Variants in IGSF10 observed in about 807,000 individuals in gnomAD.
IGSF10 encodes the protein calvaria mechanical force protein 608.
Under a neutral mutation model 128.2 loss-of-function variants are expected in IGSF10, and 126 were observed. That is an observed-to-expected ratio of 0.98 (90% CI 0.85 to 1.14). The LOEUF is 1.14. IGSF10 is among the 50% of genes most tolerant of loss of function. The pLI is 0.00. For synonymous variants in IGSF10, 1,185 were observed against 1,146.2 expected, an observed-to-expected ratio of 1.03 and a Z score of -0.68; for missense variants, 3,295 against 3,149.8, an observed-to-expected ratio of 1.05 and a Z score of -1.10.
chr3:151,556,710 G>T, the IGSF10 span, among the ~76,000 whole-genome samples: 2 of 152,116 alleles, frequency 1.3e-5, no homozygotes, highest in African/African-American at 4.8e-5. Context: ...CCTTTGAGAG[G>T]ATGGTAGGGG....
At chr3:151,595,674 C>T in the IGSF10 span, among the ~76,000 whole-genome samples, 1 of 149,398 alleles carries the variant, frequency 6.7e-6, no homozygotes, top group African/African-American at 2.5e-5. Flanking sequence ...GTGAAATTAG[C>T]CCCAGAAACA....
intron 5 of IGSF10, among the ~76,000 whole-genome samples, chr3:151,452,215 GAATT>G (rs1390972197): frequency 6.6e-6 from 1 of 152,206 alleles, no homozygotes; most frequent in Non-Finnish European, 1.5e-5. Flanking sequence ...ATAGAGTTAT[GAATT>G]AACAACAGGG....
chr3:151,618,597 G>A, the IGSF10 span, among the ~76,000 whole-genome samples: 1 of 151,776 alleles, frequency 6.6e-6, no homozygotes, highest in African/African-American at 2.4e-5. Flanking sequence ...GGGCGTGGTG[G>A]TGGGTGCCTG....
the IGSF10 span, among the ~76,000 whole-genome samples, chr3:151,552,036 G>A: frequency 5.3e-5 from 8 of 152,216 alleles, no homozygotes; most frequent in East Asian, 9.7e-4. Context: ...CAGTGTTTGC[G>A]GAGGGATCTG....
the IGSF10 span, among the ~76,000 whole-genome samples, chr3:151,515,451 A>T: frequency 8.3e-6 from 1 of 119,830 alleles, no homozygotes; most frequent in Non-Finnish European, 1.6e-5. Flanking sequence ...GGGGAACATC[A>T]CACACTGGGG....
chr3:151,443,677 A>C lies in IGSF10; in HGVS notation c.5270T>G (p.Val1757Gly). The C allele has an allele frequency of 1.2e-6, 2 of 1,614,172 alleles. No homozygotes were observed. Among genetic ancestry groups the C allele is most frequent in the Non-Finnish European group, 1.7e-6 (2 of 1,180,024 alleles). The change falls in exon 7 of 8, where the codon GTT (valine) becomes GGT (glycine). Residue 1757 changes from valine (V) to glycine (G), a missense_variant. Coordinates refer to ENST00000282466, the MANE Select transcript of IGSF10 (RefSeq NM_178822.5). ...ILERRTKEIT[V>G]HSGSTVELKC... ...CAGTTCCACAGTGCTTCCGGAATGA[A>C]CTGTGATCTCTTTGGTACGTCTCTC...
At chr3:151,512,652 C>CAA in the IGSF10 span, among the ~76,000 whole-genome samples, 1 of 151,434 alleles carries the variant, frequency 6.6e-6, no homozygotes, top group African/African-American at 2.4e-5. Flanking sequence ...AAAAACCCTT[C>CAA]AAAAAAAATC....
chr3:151,436,447 A>C lies in IGSF10; in HGVS notation c.*242T>G. On this transcript the variant is annotated 3_prime_UTR_variant, in exon 8 of 8. Coordinates refer to ENST00000282466, the MANE Select transcript of IGSF10 (RefSeq NM_178822.5). ...TAGTGAACCGTTTCAATGTTTGTTT[A>C]TTGTTATTTGTTGGCAAAATAAAAG... 2.7e-6 allele frequency: 1 copy of C among 376,862 alleles called. No homozygotes were observed. Among genetic ancestry groups the C allele is most frequent in the African/African-American group, 2.1e-5 (1 of 47,934 alleles). The allele number at this position is 376,862 out of a possible 1,614,324, so 23.3% of individuals were successfully genotyped here.
chr3:151,434,933 C>CTAAT (rs954087727), downstream of IGSF10: 6 of 152,034 alleles, frequency 3.9e-5, no homozygotes, highest in African/African-American at 1.2e-4. Flanking sequence ...TGCTACGACT[C>CTAAT]TAATTAATTC....
chr3:151,609,641 A>G, the IGSF10 span, among the ~76,000 whole-genome samples: 1 of 152,208 alleles, frequency 6.6e-6, no homozygotes, highest in Non-Finnish European at 1.5e-5. Context: ...CATATACACC[A>G]TTAAATACTG....
chr3:151,519,008 C>T, the IGSF10 span, among the ~76,000 whole-genome samples: 7 of 151,994 alleles, frequency 4.6e-5, no homozygotes, highest in South Asian at 1.4e-3. Context: ...TGGGACTTTA[C>T]ACTTAAAACT....
At chr3:151,512,353 T>A in the IGSF10 span, among the ~76,000 whole-genome samples, 1 of 152,174 alleles carries the variant, frequency 6.6e-6, no homozygotes. Flanking sequence ...CACCTGCTCC[T>A]GAATGACTAC....
At chr3:151,619,474 A>G in the IGSF10 span, among the ~76,000 whole-genome samples, 42 of 114,832 alleles carry the variant, frequency 3.7e-4, no homozygotes, top group Admixed American at 5.1e-4. Flanking sequence ...GTGTGTGTGT[A>G]TGTAGTGGAA....
the IGSF10 span, among the ~76,000 whole-genome samples, chr3:151,571,550 T>C: frequency 2.8e-3 from 434 of 152,300 alleles, 2 homozygotes; most frequent in African/African-American, 0.01. Flanking sequence ...GGAATGCTTG[T>C]GATTTTTGCA....
chr3:151,435,707 A>G (rs187290392), downstream of IGSF10: 2 of 152,328 alleles, frequency 1.3e-5, no homozygotes, highest in African/African-American at 4.8e-5. Context: ...GATAAGATCA[A>G]TCATTTAATA....
rs1194392021 is a variant in IGSF10, at chr3:151,445,039, G to C, written c.4942C>G (p.Pro1648Ala). 6.2e-7 allele frequency: 1 copy of C among 1,614,174 alleles called. No individual in the cohort carries two copies. The highest frequency in any genetic ancestry group is 8.5e-7 in the Non-Finnish European group (1 of 1,180,026). ...DSLSRYIFEK[P>A]RIVGGKAASF... ...GCAGCTTTTCCTCCAACTATCCTGG[G>C]CTTTTCAAATATATACCTAGACAAA... The change falls in exon 6 of 8, where the codon CCC (proline) becomes GCC (alanine). Residue 1648 changes from proline (P) to alanine (A), a missense_variant. Transcript: ENST00000282466.
At chr3:151,524,947 A>G in the IGSF10 span, among the ~76,000 whole-genome samples, 1 of 147,128 alleles carries the variant, frequency 6.8e-6, no homozygotes, top group Admixed American at 6.9e-5. Flanking sequence ...TCCAGCTATA[A>G]TATTGTCAAT....
chr3:151,587,955 CT>C, the IGSF10 span, among the ~76,000 whole-genome samples: 2 of 152,324 alleles, frequency 1.3e-5, no homozygotes, highest in Non-Finnish European at 2.9e-5. Context: ...AAACCTCTTT[CT>C]TTTGTAAATT....
At chr3:151,500,872 T>C in the IGSF10 span, among the ~76,000 whole-genome samples, 1 of 152,090 alleles carries the variant, frequency 6.6e-6, no homozygotes, top group African/African-American at 2.4e-5. Flanking sequence ...ACAGGTTCTA[T>C]TGTCATTTAT....
Sources: allele counts gnomAD v4.1 joint callset (sites outside exome capture counted in the v4.1 genomes callset), GRCh38; gene constraint gnomAD v4.1.1; transcripts MANE v1.5; gene names NCBI Gene and HGNC (gene_info 2026-07-23, HGNC 2026-07-21).